The following RGS7 variants were observed in gnomAD, a reference collection of about 807,000 sequenced individuals.
RGS7 encodes regulator of G-protein signaling 7.
A neutral mutation model predicts 81.1 loss-of-function variants in RGS7; 27 were observed. That is an observed-to-expected ratio of 0.33 (90% confidence interval 0.25 to 0.46). The LOEUF (loss-of-function observed/expected upper bound fraction) is 0.46, where lower values mean the gene tolerates loss of function less well. RGS7 is among the 20% of genes least tolerant of loss of function. The probability of loss-of-function intolerance (pLI) is 1.00; values close to 1 mark genes in which losing one functional copy is unlikely to be tolerated. For synonymous variants in RGS7, 208 were observed against 207.7 expected (o/e 1.00, Z -0.01); for missense variants, 396 against 607.4 (o/e 0.65, Z 3.66).
intron 2 of RGS7, among the ~76,000 whole-genome samples, chr1:241,147,534 T>C (rs891295618): frequency 2.6e-5 from 4 of 151,958 alleles, no homozygotes; most frequent in African/African-American, 9.7e-5. Context: ...TAAAATATAG[T>C]ATAGTTTTTC....
At chr1:241,330,563 C>A (rs1424814883) in intron 2 of RGS7, among the ~76,000 whole-genome samples, 1 of 152,140 alleles carries the variant, frequency 6.6e-6, no homozygotes, top group African/African-American at 2.4e-5. Context: ...GACAATAAAA[C>A]AATGAAGCTC....
At chr1:241,092,265 C>T (rs186170959) in intron 3 of RGS7, among the ~76,000 whole-genome samples, 1 of 152,186 alleles carries the variant, frequency 6.6e-6, no homozygotes, top group African/African-American at 2.4e-5. Flanking sequence ...ACAAATGAAG[C>T]AACTATCTTA....
At chr1:240,912,004 A>C (rs183299182) in intron 6 of RGS7, among the ~76,000 whole-genome samples, 1 of 150,954 alleles carries the variant, frequency 6.6e-6, no homozygotes. Context: ...AAAAAAAATT[A>C]GCCAGGCGAA....
intron 18 of RGS7, among the ~76,000 whole-genome samples, chr1:240,787,295 A>G (rs1685232117): frequency 6.6e-6 from 1 of 152,142 alleles, no homozygotes; most frequent in East Asian, 1.9e-4. Context: ...TTACGACATT[A>G]TATGTTTGCA....
At chr1:241,294,282 A>G (rs901636054) in intron 2 of RGS7, among the ~76,000 whole-genome samples, 1 of 148,780 alleles carries the variant, frequency 6.7e-6, no homozygotes, top group Non-Finnish European at 1.5e-5. Context: ...ACACACTGGG[A>G]CCTGTCGGGG....
intron 4 of RGS7, among the ~76,000 whole-genome samples, chr1:240,947,663 G>A (rs1193599350): frequency 6.6e-6 from 1 of 152,118 alleles, no homozygotes; most frequent in African/African-American, 2.4e-5. Flanking sequence ...CTGTGGCTGA[G>A]TCACTGCAAC....
At chr1:241,137,424 A>G (rs2067600344) in intron 2 of RGS7, among the ~76,000 whole-genome samples, 1 of 152,168 alleles carries the variant, frequency 6.6e-6, no homozygotes, top group Admixed American at 6.6e-5. Context: ...ATCTTTATTC[A>G]TTGTGTTCCT....
At chr1:241,354,286 A>G (rs78764071) in intron 2 of RGS7, among the ~76,000 whole-genome samples, 1 of 152,330 alleles carries the variant, frequency 6.6e-6, no homozygotes, top group East Asian at 1.9e-4. Context: ...ACAGGTATCC[A>G]GTTATTTCAA....
chr1:241,050,034 T>C (rs1229054480), intron 3 of RGS7, among the ~76,000 whole-genome samples: 1 of 152,232 alleles, frequency 6.6e-6, no homozygotes, highest in Non-Finnish European at 1.5e-5. Context: ...CCTCTAGTTA[T>C]AGCCTTCTCC....
chr1:241,138,177 C>CAAAAAAAAAAAAA (rs57697166), intron 2 of RGS7, among the ~76,000 whole-genome samples: 1 of 115,408 alleles, frequency 8.7e-6, no homozygotes, highest in Non-Finnish European at 1.9e-5. Flanking sequence ...ATCTCAAAAA[C>CAAAAAAAAAAAAA]AAAAAAAAAA....
At chr1:241,124,823 G>T (rs1448532807) in intron 2 of RGS7, among the ~76,000 whole-genome samples, 1 of 152,220 alleles carries the variant, frequency 6.6e-6, no homozygotes, top group Non-Finnish European at 1.5e-5. Flanking sequence ...GTAGTGATAG[G>T]ACACTGTAGG....
intron 3 of RGS7, among the ~76,000 whole-genome samples, chr1:241,036,711 G>A (rs1456454386): frequency 6.6e-6 from 1 of 152,218 alleles, no homozygotes; most frequent in African/African-American, 2.4e-5. Flanking sequence ...GCCTAAGTAT[G>A]TTGTAGTAGA....
intron 3 of RGS7, chr1:240,998,368 A>G: frequency 1.9e-6 from 1 of 513,118 alleles, no homozygotes; most frequent in South Asian, 2.2e-5. Context: ...TATGCTTGTG[A>G]TGTTTTTAAG....
At chr1:241,232,284 T>A (rs899951583) in intron 2 of RGS7, among the ~76,000 whole-genome samples, 7 of 152,106 alleles carry the variant, frequency 4.6e-5, no homozygotes, top group African/African-American at 1.4e-4. Context: ...ACTCCTGGGC[T>A]TAAGTGATCC....
intron 2 of RGS7, among the ~76,000 whole-genome samples, chr1:241,257,071 A>T (rs2077089658): frequency 6.6e-6 from 1 of 151,940 alleles, no homozygotes; most frequent in African/African-American, 2.4e-5. Context: ...ACACACACAC[A>T]TTGCTTTTCT....
intron 2 of RGS7, among the ~76,000 whole-genome samples, chr1:241,205,234 C>T (rs542440613): frequency 2.7e-5 from 4 of 149,780 alleles, no homozygotes; most frequent in Non-Finnish European, 5.9e-5. Flanking sequence ...ATGCACACCA[C>T]GCCCAGCTAA....
intron 3 of RGS7, among the ~76,000 whole-genome samples, chr1:241,054,322 A>AT (rs1275810014): frequency 6.6e-6 from 1 of 152,208 alleles, no homozygotes; most frequent in African/African-American, 2.4e-5. Context: ...TGCAAATCTC[A>AT]TAACACAGAA....
rs71568986 is a variant in RGS7 at position 241,078,301 on chromosome 1, C to CTGTGTGTG, written c.175+20357_175+20364dup. ...TTCCTGTGATATGTGCTTCTGGTCT[C>CTGTGTGTG]TGTGTGTGTGTGTGTGTGTGTGTGT... On this transcript the variant is annotated intron_variant, in intron 3 of 18. Transcript: ENST00000440928. Among the ~76,000 whole-genome samples, 767 of 130,256 alleles carry CTGTGTGTG rather than the reference C, an allele frequency of 5.9e-3. 4 individuals are homozygous for CTGTGTGTG. Among genetic ancestry groups the CTGTGTGTG allele is most frequent in the Non-Finnish European group, 8.7e-3 (538 of 62,150 alleles). 85.5% of individuals were successfully genotyped at this position (130,256 alleles called of 152,430 possible).
chr1:241,150,858 A>C (rs1427837872), intron 2 of RGS7, among the ~76,000 whole-genome samples: 1 of 143,770 alleles, frequency 7.0e-6, no homozygotes, highest in Middle Eastern at 3.4e-3. Context: ...GAATCAAGGA[A>C]GTTAATGGTG....
Sources: gnomAD v4.1 joint callset for allele counts (sites outside exome capture counted in the v4.1 genomes callset) on GRCh38, gnomAD v4.1.1 for gene constraint, MANE v1.5 for transcripts, NCBI Gene and HGNC (gene_info 2026-07-23, HGNC 2026-07-21) for gene names.